Variants in SAMD5 observed in about 807,000 individuals in gnomAD.
SAMD5 encodes the protein sterile alpha motif domain-containing protein 5.
A neutral mutation model predicts 11.3 loss-of-function variants in SAMD5; 13 were observed. The ratio of observed to expected loss-of-function variants is 1.15; its 90% CI spans 0.75 to 1.83. The LOEUF (loss-of-function observed/expected upper bound fraction) is 1.83, where lower values mean the gene tolerates loss of function less well. Ranked by LOEUF, SAMD5 falls within the 40% of genes most tolerant of loss-of-function variation. The pLI is 0.00. For missense variants in SAMD5, 255 were observed against 239.1 expected (o/e 1.07, Z -0.44); for synonymous variants, 129 against 111.3 (o/e 1.16, Z -1.00).
At chr6:147,637,607 A>T (rs1032245843) in intron 1 of SAMD5, among the ~76,000 whole-genome samples, 1 of 152,230 alleles carries the variant, frequency 6.6e-6, no homozygotes, top group South Asian at 2.1e-4. Flanking sequence ...GTGGTAAGAC[A>T]TAGGCGAGGG....
intron 1 of SAMD5, among the ~76,000 whole-genome samples, chr6:147,601,416 C>T (rs1367737446): frequency 6.6e-6 from 1 of 151,584 alleles, no homozygotes; most frequent in Non-Finnish European, 1.5e-5. Flanking sequence ...ATGTCTAGAA[C>T]AATTTCTCTA....
At chr6:147,671,670 G>A (rs545078625) in intron 1 of SAMD5, among the ~76,000 whole-genome samples, 1 of 152,192 alleles carries the variant, frequency 6.6e-6, no homozygotes, top group African/African-American at 2.4e-5. Flanking sequence ...TGAGCAACAA[G>A]CCACCCATTA....
chr6:147,822,782 C>T, the SAMD5 span, among the ~76,000 whole-genome samples: 8 of 152,122 alleles, frequency 5.3e-5, no homozygotes, highest in Admixed American at 2.0e-4. Context: ...AATGCAAAGC[C>T]ATTAATGTGG....
chr6:147,546,281 G>A (rs1339577299), intron 1 of SAMD5, among the ~76,000 whole-genome samples: 5 of 152,138 alleles, frequency 3.3e-5, no homozygotes, highest in Non-Finnish European at 5.9e-5. Flanking sequence ...TGTAATCCCA[G>A]CACTTTGGGA....
In SAMD5 at chr6:147,565,604, C is replaced by T. The variant is rs1033039052; in HGVS notation, c.*1148C>T. 13 of 394,512 alleles carry T rather than the reference C, an allele frequency of 3.3e-5. No homozygotes were observed. Among genetic ancestry groups the T allele is most frequent in the East Asian group, 3.3e-4 (2 of 6,136 alleles). The allele number at this position is 394,512 out of a possible 1,614,324, so 24.4% of individuals were successfully genotyped here. ...CTCTTGGTAGCTGGGATTACAGGCA[C>T]GCATCACCACACCCAGCTAATTTTT... On this transcript the variant is annotated 3_prime_UTR_variant, in exon 2 of 2. Transcript: ENST00000367474.
intron 1 of SAMD5, among the ~76,000 whole-genome samples, chr6:147,585,335 G>C (rs1409082614): frequency 2.6e-5 from 4 of 152,136 alleles, no homozygotes; most frequent in African/African-American, 9.7e-5. Context: ...AAAGGATGAG[G>C]CCGGTGACAT....
the SAMD5 span, among the ~76,000 whole-genome samples, chr6:147,784,690 G>A: frequency 6.6e-6 from 1 of 152,142 alleles, no homozygotes; most frequent in Non-Finnish European, 1.5e-5. Flanking sequence ...CACAAGCCAA[G>A]TCCTTTCCAA....
the SAMD5 span, among the ~76,000 whole-genome samples, chr6:147,908,846 G>A: frequency 1.3e-5 from 2 of 152,130 alleles, no homozygotes; most frequent in Non-Finnish European, 2.9e-5. Context: ...CATGACTGAA[G>A]AAGCCCCAAA....
At chr6:147,729,832 C>T (rs546220682) in intron 1 of SAMD5, 82 of 456,814 alleles carry the variant, frequency 1.8e-4, no homozygotes, top group African/African-American at 1.6e-3. Context: ...TGCCTGTAAT[C>T]CCAGCACTTT....
At chr6:147,861,719 T>C in the SAMD5 span, among the ~76,000 whole-genome samples, 29 of 152,274 alleles carry the variant, frequency 1.9e-4, no homozygotes, top group Non-Finnish European at 3.4e-4. Flanking sequence ...GGTGCCTCCC[T>C]CGGGTCCACT....
the SAMD5 span, among the ~76,000 whole-genome samples, chr6:147,915,573 G>T: frequency 6.6e-6 from 1 of 152,100 alleles, no homozygotes; most frequent in African/African-American, 2.4e-5. Context: ...AAGCCATTGC[G>T]CATCAAGTGA....
At chr6:147,726,713 C>T (rs1791634540) in intron 1 of SAMD5, among the ~76,000 whole-genome samples, 2 of 152,194 alleles carry the variant, frequency 1.3e-5, no homozygotes, top group South Asian at 2.1e-4. Context: ...CCTAACCTCT[C>T]CTTCCCAAGA....
At chr6:147,738,715 C>T (rs1451200707), downstream of SAMD5, among the ~76,000 whole-genome samples, 1 of 152,058 alleles carries the variant, frequency 6.6e-6, no homozygotes, top group Non-Finnish European at 1.5e-5. Flanking sequence ...CAAGGTAATG[C>T]CTGGGATGAA....
chr6:147,810,057 G>T, the SAMD5 span, among the ~76,000 whole-genome samples: 2 of 151,998 alleles, frequency 1.3e-5, no homozygotes, highest in Non-Finnish European at 2.9e-5. Context: ...CATTTTTTTG[G>T]TATCTGAATA....
chr6:147,721,639 T>C (rs1386228775), intron 1 of SAMD5, among the ~76,000 whole-genome samples: 2 of 152,110 alleles, frequency 1.3e-5, no homozygotes, highest in African/African-American at 4.8e-5. Flanking sequence ...TTTTCTCCCA[T>C]TTTGTAGGTT....
the SAMD5 span, among the ~76,000 whole-genome samples, chr6:147,911,041 G>A: frequency 6.6e-6 from 1 of 152,168 alleles, no homozygotes; most frequent in Admixed American, 6.5e-5. Context: ...GAGGTGGGTG[G>A]ATATTATTCG....
chr6:147,861,264 A>T, the SAMD5 span, among the ~76,000 whole-genome samples: 2 of 152,004 alleles, frequency 1.3e-5, no homozygotes, highest in African/African-American at 4.8e-5. Context: ...TCCCAGGTTC[A>T]AGCAATTCTC....
intron 1 of SAMD5, among the ~76,000 whole-genome samples, chr6:147,561,360 GTATT>G (rs961090916): frequency 2.0e-5 from 3 of 152,050 alleles, no homozygotes; most frequent in Admixed American, 6.6e-5. Flanking sequence ...GCTAATTTTT[GTATT>G]TTTAGTAGAG....
chr6:147,865,562 A>G, the SAMD5 span, among the ~76,000 whole-genome samples: 3 of 152,278 alleles, frequency 2.0e-5, no homozygotes, highest in Non-Finnish European at 4.4e-5. Context: ...CATGTAATAC[A>G]TTTTGTGTGA....
Sources: allele counts gnomAD v4.1 joint callset (sites outside exome capture counted in the v4.1 genomes callset), GRCh38; gene constraint gnomAD v4.1.1; transcripts MANE v1.5; gene names NCBI Gene and HGNC (gene_info 2026-07-23, HGNC 2026-07-21).